PCLO: variants seen among roughly 807,000 people sequenced by gnomAD.
The protein encoded by PCLO is protein piccolo.
PCLO carries 82 observed loss-of-function variants against 427.5 expected under a neutral mutation model. The observed-to-expected ratio is 0.19, with a 90% CI of 0.16 to 0.23. The LOEUF (loss-of-function observed/expected upper bound fraction) is 0.23. Ranked by LOEUF, PCLO falls within the 10% of genes least tolerant of loss-of-function variation. The pLI is 1.00. For synonymous variants in PCLO, 2,357 were observed against 2,155.4 expected, an observed-to-expected ratio of 1.09 and a Z score of -2.59; for missense variants, 6,239 against 6,115.9, an observed-to-expected ratio of 1.02 and a Z score of -0.67.
chr7:83,134,664 G>A lies in PCLO; in HGVS notation c.2886C>T (p.Ala962=), dbSNP rs1014201128. Residue 962 remains alanine, a synonymous_variant, in exon 3 of 25, where the codon GCC becomes GCT. Transcript: ENST00000333891. ...PGPHSQSGPG[A]PMKQAPAPSQ... ...AAGGGGCAGGGGCTTGTTTCATTGGGGCCCCTGGTCCACTTTGTGAATGAG... is the reference window on the plus strand; with the variant it reads ...AAGGGGCAGGGGCTTGTTTCATTGGAGCCCCTGGTCCACTTTGTGAATGAG... 6.2e-6 allele frequency: 10 copies of A among 1,613,612 alleles called. No individual in the cohort carries two copies. The highest frequency in any genetic ancestry group is 8.5e-6 in the Non-Finnish European group (10 of 1,179,812).
chr7:83,004,418 T>C (rs191118041), intron 3 of PCLO, among the ~76,000 whole-genome samples: 10 of 151,730 alleles, frequency 6.6e-5, no homozygotes, highest in African/African-American at 2.4e-4. Context: ...AATAATCTCT[T>C]CAACAGGTGG....
chr7:83,045,766 A>G (rs985024157), intron 3 of PCLO, among the ~76,000 whole-genome samples: 62 of 152,234 alleles, frequency 4.1e-4, no homozygotes, highest in African/African-American at 1.4e-3. Flanking sequence ...ATTCACCAAA[A>G]TGATGGTTGT....
At chr7:82,840,332 T>A (rs1009277674) in intron 14 of PCLO, among the ~76,000 whole-genome samples, 1 of 152,024 alleles carries the variant, frequency 6.6e-6, no homozygotes, top group Non-Finnish European at 1.5e-5. Flanking sequence ...ACGCTCACAC[T>A]CCACTTCTGC....
chr7:83,114,938 T>G (rs149830535), intron 3 of PCLO, among the ~76,000 whole-genome samples: 73 of 152,228 alleles, frequency 4.8e-4, no homozygotes, highest in Non-Finnish European at 9.3e-4. Context: ...GGGTTTTGTA[T>G]AGTACTTAGA....
intron 7 of PCLO, 148 bp from the exon 8 acceptor site, chr7:82,909,161 ATT>A (rs1052897262): frequency 1.4e-6 from 1 of 698,320 alleles, no homozygotes; most frequent in African/African-American, 1.8e-5. Context: ...TAGAAAAATT[ATT>A]TTTGTTATTA....
At chr7:83,068,694 C>G (rs1261272903) in intron 3 of PCLO, among the ~76,000 whole-genome samples, 1 of 152,072 alleles carries the variant, frequency 6.6e-6, no homozygotes, top group Admixed American at 6.6e-5. Context: ...ATTAGTACAG[C>G]TATTATGGAA....
At chr7:82,862,990 C>A (rs1348358900) in intron 10 of PCLO, among the ~76,000 whole-genome samples, 1 of 151,872 alleles carries the variant, frequency 6.6e-6, no homozygotes. Context: ...TTCAAAATAA[C>A]CTAATGAGTA....
At chr7:82,768,115 A>C (rs1265714727) in intron 22 of PCLO, among the ~76,000 whole-genome samples, 1 of 152,136 alleles carries the variant, frequency 6.6e-6, no homozygotes, top group African/African-American at 2.4e-5. Flanking sequence ...TCAACTGATA[A>C]AATTTAAAAT....
chr7:82,860,065 C>T (rs955529347), intron 10 of PCLO, among the ~76,000 whole-genome samples: 1 of 151,784 alleles, frequency 6.6e-6, no homozygotes, highest in South Asian at 2.1e-4. Context: ...TAAAGCACAC[C>T]TACAGGATCT....
chr7:82,971,741 CATAT>C (rs113326490), intron 3 of PCLO, among the ~76,000 whole-genome samples: 9 of 142,272 alleles, frequency 6.3e-5, no homozygotes, highest in Non-Finnish European at 4.6e-5. Context: ...TTGTACCAAC[CATAT>C]ATATATATAT....
At chr7:83,039,933 T>C (rs995744020) in intron 3 of PCLO, among the ~76,000 whole-genome samples, 2 of 152,160 alleles carry the variant, frequency 1.3e-5, no homozygotes, top group African/African-American at 4.8e-5. Flanking sequence ...GATGCTATTA[T>C]AAGTAGAATT....
intron 7 of PCLO, among the ~76,000 whole-genome samples, chr7:82,911,865 C>T (rs1215376411): frequency 1.3e-5 from 2 of 152,128 alleles, no homozygotes; most frequent in African/African-American, 2.4e-5. Flanking sequence ...TCGTGATCCA[C>T]CCGCCTCAGC....
At position 82,956,480 on chromosome 7, in the gene PCLO, C is replaced by T. The variant is rs770564674; in HGVS notation, c.4473G>A (p.Lys1491=). 1.9e-6 allele frequency: 3 copies of T among 1,613,804 alleles called. No individual in the cohort carries two copies. The highest frequency in any genetic ancestry group is 2.5e-6 in the Non-Finnish European group (3 of 1,179,854). Residue 1491 remains lysine (K), a synonymous_variant, in exon 5 of 25, where the codon AAG becomes AAA. Transcript: ENST00000333891. ...KDSQQDIPSS[K]DHKEKSEFVD... Reference sequence around the variant, plus strand: ...CAAACTCAGACTTCTCTTTATGGTCCTTGCTGGAAGGAATATCTTGTTGGC... The same window carrying T: ...CAAACTCAGACTTCTCTTTATGGTCTTTGCTGGAAGGAATATCTTGTTGGC...
intron 1 of PCLO, among the ~76,000 whole-genome samples, chr7:83,158,098 G>A (rs1047016565): frequency 2.0e-5 from 3 of 151,954 alleles, no homozygotes; most frequent in Non-Finnish European, 2.9e-5. Context: ...AAATGGCAAC[G>A]TATGCATAAA....
rs1156591404 is a variant in PCLO, at chr7:83,093,489, TA to T, written c.3300+40760del. On this transcript the variant is annotated intron_variant, in intron 3 of 24. Transcript: ENST00000333891. ...GTGTGTGTGTATAGATATATATATA[TA>T]TATTTTTTTTTTTTTTTTTTGAGAT... Among the ~76,000 whole-genome samples the T allele has an allele frequency of 1.3e-3, 108 of 85,068 alleles. 2 individuals carry two copies. The highest frequency in any genetic ancestry group is 6.4e-3 in the South Asian group (17 of 2,662). 55.8% of individuals were successfully genotyped at this position (85,068 alleles called of 152,430 possible).
intron 10 of PCLO, among the ~76,000 whole-genome samples, chr7:82,870,452 A>T (rs1793206008): frequency 6.6e-6 from 1 of 152,042 alleles, no homozygotes; most frequent in African/African-American, 2.4e-5. Flanking sequence ...TGAACTAAAG[A>T]CTTAAATTTA....
chr7:82,859,782 G>T (rs1317382470), intron 10 of PCLO, among the ~76,000 whole-genome samples: 1 of 152,150 alleles, frequency 6.6e-6, no homozygotes, highest in Admixed American at 6.5e-5. Context: ...TTTAGACAAA[G>T]AATTCAAAAT....
chr7:82,855,129 A>G (rs958540810), intron 10 of PCLO, among the ~76,000 whole-genome samples: 1 of 152,184 alleles, frequency 6.6e-6, no homozygotes, highest in African/African-American at 2.4e-5. Context: ...TCTTACTTAT[A>G]TCACAGTATT....
At position 82,759,453 on chromosome 7, in the gene PCLO, G is replaced by A. The variant is rs114659481; in HGVS notation, c.15289-738C>T. On this transcript the variant is annotated intron_variant, in intron 24 of 24. Transcript: ENST00000333891. ...TATCTCTTCTGGTTTCTGGTTCAGG[G>A]ATTTCAAGTGACATTGTATATTTTC... is the stretch of plus-strand genomic sequence containing the variant. Among the ~76,000 whole-genome samples the A allele has an allele frequency of 8.5e-3, 1,289 of 151,870 alleles. 18 individuals carry two copies. The highest frequency in any genetic ancestry group is 0.03 in the African/African-American group (1,230 of 41,450).
Sources: gnomAD v4.1 joint callset for allele counts (sites outside exome capture counted in the v4.1 genomes callset) on GRCh38, gnomAD v4.1.1 for gene constraint, MANE v1.5 for transcripts, NCBI Gene and HGNC (gene_info 2026-07-23, HGNC 2026-07-21) for gene names.